The following NFXL1 variants were observed in gnomAD, a reference collection of about 807,000 sequenced individuals.
The protein encoded by NFXL1 is nuclear transcription factor, X-box binding like 1.
Under a neutral mutation model 123.3 loss-of-function variants are expected in NFXL1, and 66 were observed. The ratio of observed to expected loss-of-function variants is 0.54; its 90% CI spans 0.44 to 0.66. The LOEUF is 0.66. NFXL1 is among the 30% of genes least tolerant of loss of function. The pLI is 0.00. For synonymous variants in NFXL1, 346 were observed against 360.8 expected, an observed-to-expected ratio of 0.96 and a Z score of 0.46; for missense variants, 944 against 1,125.6, an observed-to-expected ratio of 0.84 and a Z score of 2.31.
chr4:47,854,934 A>G, intron 20 of NFXL1, 125 bp downstream of exon 20: 1 of 439,842 alleles, frequency 2.3e-6, no homozygotes, highest in Non-Finnish European at 4.0e-6. Context: ...CCTCAAAATT[A>G]AAAGGCAAAA....
At chr4:47,913,822 C>A in intron 2 of NFXL1, 147 bp downstream of exon 2, 1 of 529,456 alleles carries the variant, frequency 1.9e-6, no homozygotes, top group Non-Finnish European at 3.3e-6. Flanking sequence ...GAGCAGCCAC[C>A]CGAAAGGCTG....
At chr4:47,885,465 T>G (rs757138054) in intron 14 of NFXL1, 33 bp downstream of exon 14, 1 of 1,527,856 alleles carries the variant, frequency 6.5e-7, no homozygotes, top group South Asian at 1.2e-5. Context: ...CCCACAGCAA[T>G]GCACTATTTC....
intron 22 of NFXL1, among the ~76,000 whole-genome samples, chr4:47,849,952 A>ATTTT (rs11330734): frequency 6.7e-6 from 1 of 149,524 alleles, no homozygotes; most frequent in Admixed American, 6.7e-5. Flanking sequence ...CGTATTATTT[A>ATTTT]TTTTTTTTTT....
intron 19 of NFXL1, among the ~76,000 whole-genome samples, chr4:47,858,445 G>A (rs1466232491): frequency 6.6e-6 from 1 of 152,168 alleles, no homozygotes; most frequent in African/African-American, 2.4e-5. Context: ...GGATGCAAAA[G>A]CAAGAATGTT....
At chr4:47,890,156 G>T (rs1736682152) in intron 12 of NFXL1, among the ~76,000 whole-genome samples, 1 of 151,688 alleles carries the variant, frequency 6.6e-6, no homozygotes, top group African/African-American at 2.4e-5. Context: ...ATTGTAAAGG[G>T]GTCATGACAT....
At chr4:47,879,174 C>A in intron 15 of NFXL1, 57 bp from the exon 16 acceptor site, 4 of 700,170 alleles carry the variant, frequency 5.7e-6, no homozygotes, top group Non-Finnish European at 9.2e-6. Context: ...AAAATAATAC[C>A]TAAAGATGCT....
intron 12 of NFXL1, among the ~76,000 whole-genome samples, chr4:47,888,675 G>A (rs1374896778): frequency 6.6e-6 from 1 of 151,758 alleles, no homozygotes; most frequent in Non-Finnish European, 1.5e-5. Flanking sequence ...TAATACCACA[G>A]AGATGCAATC....
intron 18 of NFXL1, among the ~76,000 whole-genome samples, chr4:47,871,245 C>G (rs1220253665): frequency 6.6e-6 from 1 of 150,840 alleles, no homozygotes; most frequent in African/African-American, 2.4e-5. Context: ...CCCAGCTACG[C>G]GGGAGGCTGA....
chr4:47,898,724 A>C, intron 8 of NFXL1, 33 bp downstream of exon 8: 456 of 1,103,250 alleles, frequency 4.1e-4, no homozygotes, highest in Middle Eastern at 5.9e-4. Flanking sequence ...TGTACTCTTT[A>C]ATACCCACCC....
chr4:47,897,305 A>C (rs990520959), intron 9 of NFXL1, among the ~76,000 whole-genome samples: 2 of 152,070 alleles, frequency 1.3e-5, no homozygotes, highest in South Asian at 4.1e-4. Context: ...GGATAAAACC[A>C]CCTCTCTTAA....
chr4:47,879,125 G>T lies in NFXL1; in HGVS notation c.1917-8C>A. 1 of 1,280,950 alleles carries T rather than the reference G, an allele frequency of 7.8e-7. No homozygotes were observed. The highest frequency in any genetic ancestry group is 1.1e-6 in the Non-Finnish European group (1 of 950,062). The allele number at this position is 1,280,950 out of a possible 1,614,324, so 79.3% of individuals were successfully genotyped here. On this transcript the variant is annotated splice_region_variant and splice_polypyrimidine_tract_variant and intron_variant, in intron 15 of 22. Transcript: ENST00000507489. ...TGTTTCCCAAGACATTCCCTACAAG[G>T]AAAAAATAAAATAAAATGAAAACAT...
At chr4:47,896,447 A>G in intron 10 of NFXL1, 76 bp downstream of exon 10, 1 of 1,187,314 alleles carries the variant, frequency 8.4e-7, no homozygotes, top group Non-Finnish European at 1.2e-6. Flanking sequence ...GTAATAGAAA[A>G]CAACCACAGG....
At chr4:47,896,682 G>C in intron 9 of NFXL1, 35 bp from the exon 10 acceptor site, 8 of 1,453,564 alleles carry the variant, frequency 5.5e-6, no homozygotes, top group South Asian at 1.2e-5. Flanking sequence ...TTAATAATGA[G>C]ACATTATTAT....
At chr4:47,854,559 C>A (rs1734294627) in intron 20 of NFXL1, among the ~76,000 whole-genome samples, 2 of 152,006 alleles carry the variant, frequency 1.3e-5, no homozygotes, top group Admixed American at 6.6e-5. Context: ...AAAATTAGTT[C>A]TTTCCAAGTT....
intron 20 of NFXL1, among the ~76,000 whole-genome samples, chr4:47,853,050 A>G (rs563453823): frequency 5.9e-5 from 9 of 152,074 alleles, no homozygotes; most frequent in African/African-American, 2.2e-4. Context: ...CAGTCCAGAC[A>G]TAAGAAAATT....
intron 17 of NFXL1, among the ~76,000 whole-genome samples, chr4:47,878,068 T>C (rs1227442111): frequency 6.6e-5 from 10 of 152,086 alleles, no homozygotes; most frequent in African/African-American, 2.4e-4. Flanking sequence ...CCATTTATTT[T>C]ACTTTTAACA....
At chr4:47,913,149 C>T (rs1737926567) in intron 2 of NFXL1, among the ~76,000 whole-genome samples, 1 of 151,850 alleles carries the variant, frequency 6.6e-6, no homozygotes, top group Non-Finnish European at 1.5e-5. Flanking sequence ...AAAAATCATT[C>T]AAGATACTCA....
chr4:47,897,990 C>A lies in NFXL1; in HGVS notation c.1181G>T (p.Arg394Met). 1.2e-6 allele frequency: 2 copies of A among 1,609,466 alleles called. No individual in the cohort carries two copies. The highest frequency in any genetic ancestry group is 1.7e-6 in the Non-Finnish European group (2 of 1,177,756). The change falls in exon 9 of 23, where the codon AGG becomes ATG. Residue 394 changes from arginine to methionine, a missense_variant. Physicochemically the swap from Arg to Met is moderately conservative, Grantham distance 91 (BLOSUM62 -1). This residue lies in a region of NFXL1 where 296 missense variants were observed against 395.1 expected (regional missense o/e 0.75). Coordinates refer to ENST00000507489, the MANE Select transcript of NFXL1 (RefSeq NM_001278624.2). ...ACGECPRSGK[R>M]FCPCQKSKFS... is the part of the protein sequence containing the mutation. ...ACTTGATTTCTGACATGGACAGAAC[C>A]TTTTCCCAGATCGAGGACATTCTCC... is the stretch of plus-strand genomic sequence containing the variant.
intron 22 of NFXL1, among the ~76,000 whole-genome samples, chr4:47,850,532 CAA>C (rs1177289623): frequency 6.6e-6 from 1 of 151,948 alleles, no homozygotes; most frequent in Non-Finnish European, 1.5e-5. Context: ...AGTGTATGAT[CAA>C]TAAAGTAAAT....
Sources: allele counts gnomAD v4.1 joint callset (sites outside exome capture counted in the v4.1 genomes callset), GRCh38; gene constraint gnomAD v4.1.1; regional missense constraint gnomAD v4.1.1; transcripts MANE v1.5; gene names NCBI Gene and HGNC (gene_info 2026-07-23, HGNC 2026-07-21).